Variants in SLC24A2 observed in about 807,000 individuals in gnomAD.
SLC24A2 encodes solute carrier family 24 member 2.
Under a neutral mutation model 62.0 loss-of-function variants are expected in SLC24A2, and 36 were observed. The ratio of observed to expected loss-of-function variants is 0.58; its 90% CI spans 0.44 to 0.77. The LOEUF (loss-of-function observed/expected upper bound fraction) is 0.77. SLC24A2 is among the 30% of genes least tolerant of loss of function. The pLI is 0.00. For synonymous variants in SLC24A2, 358 were observed against 294.0 expected (o/e 1.22, Z -2.23); for missense variants, 846 against 817.9 (o/e 1.03, Z -0.42).
At chr9:19,530,708 TAATC>T (rs902487202) in intron 8 of SLC24A2, among the ~76,000 whole-genome samples, 1 of 152,320 alleles carries the variant, frequency 6.6e-6, no homozygotes, top group African/African-American at 2.4e-5. Context: ...CCATGATTCT[TAATC>T]AAGAAGCCAA....
At chr9:20,290,496 G>A in the SLC24A2 span, among the ~76,000 whole-genome samples, 26 of 152,326 alleles carry the variant, frequency 1.7e-4, no homozygotes, top group East Asian at 4.8e-3. Context: ...CATGCCTTTG[G>A]CCGCGGGTCT....
At chr9:20,206,514 G>A in the SLC24A2 span, among the ~76,000 whole-genome samples, 1 of 152,190 alleles carries the variant, frequency 6.6e-6, no homozygotes, top group East Asian at 1.9e-4. Flanking sequence ...TTTTGAGATG[G>A]TGTCTCGCTC....
intron 7 of SLC24A2, among the ~76,000 whole-genome samples, chr9:19,572,144 G>A (rs906543650): frequency 4.0e-5 from 6 of 150,584 alleles, no homozygotes; most frequent in African/African-American, 1.5e-4. Flanking sequence ...GTGGTGGTGC[G>A]AGCTACTCAG....
chr9:19,715,108 C>A (rs894295704), intron 2 of SLC24A2, among the ~76,000 whole-genome samples: 2 of 152,162 alleles, frequency 1.3e-5, no homozygotes, highest in African/African-American at 4.8e-5. Flanking sequence ...GAAATTAACA[C>A]TTCTAAACAC....
At chr9:19,742,577 T>C (rs1821712258) in intron 2 of SLC24A2, among the ~76,000 whole-genome samples, 1 of 152,160 alleles carries the variant, frequency 6.6e-6, no homozygotes. Context: ...TTTTTTTAAG[T>C]ATAGGAAGGT....
the SLC24A2 span, among the ~76,000 whole-genome samples, chr9:20,077,083 C>CT: frequency 2.6e-5 from 4 of 151,572 alleles, no homozygotes; most frequent in South Asian, 4.2e-4. Context: ...TATGTGAAAT[C>CT]TTTTTAAAAA....
the SLC24A2 span, among the ~76,000 whole-genome samples, chr9:20,053,062 T>C: frequency 6.6e-6 from 1 of 152,206 alleles, no homozygotes; most frequent in East Asian, 1.9e-4. Context: ...CTGACTGAGA[T>C]ATGACAAATC....
chr9:19,947,547 T>A, the SLC24A2 span, among the ~76,000 whole-genome samples: 1 of 151,484 alleles, frequency 6.6e-6, no homozygotes, highest in Non-Finnish European at 1.5e-5. Flanking sequence ...CCCCAGCACT[T>A]TGGGAGGCCG....
At chr9:19,988,007 A>G in the SLC24A2 span, among the ~76,000 whole-genome samples, 1 of 152,256 alleles carries the variant, frequency 6.6e-6, no homozygotes, top group African/African-American at 2.4e-5. Context: ...TGCTAAAGGC[A>G]TTCAAGAATT....
the SLC24A2 span, among the ~76,000 whole-genome samples, chr9:19,838,232 T>C: frequency 6.6e-6 from 1 of 151,974 alleles, no homozygotes; most frequent in African/African-American, 2.4e-5. Context: ...TATAGACCAA[T>C]GGAACAGAAC....
chr9:19,531,073 A>G (rs1211075494), intron 8 of SLC24A2, among the ~76,000 whole-genome samples: 2 of 152,200 alleles, frequency 1.3e-5, no homozygotes, highest in African/African-American at 4.8e-5. Flanking sequence ...TCAGGGAAGT[A>G]GAAACTAGCA....
At chr9:20,288,590 G>A in the SLC24A2 span, among the ~76,000 whole-genome samples, 19 of 151,980 alleles carry the variant, frequency 1.3e-4, no homozygotes, top group South Asian at 4.1e-4. Flanking sequence ...CCAATATGGC[G>A]AAAACCTATC....
intron 7 of SLC24A2, among the ~76,000 whole-genome samples, chr9:19,561,297 A>T (rs1165185229): frequency 1.3e-5 from 2 of 151,720 alleles, no homozygotes; most frequent in Non-Finnish European, 2.9e-5. Flanking sequence ...CCTATCACTT[A>T]CCTCTTATCC....
At chr9:19,687,982 A>C (rs1819933874) in intron 2 of SLC24A2, among the ~76,000 whole-genome samples, 1 of 151,978 alleles carries the variant, frequency 6.6e-6, no homozygotes, top group Admixed American at 6.6e-5. Context: ...CCAGTAATTT[A>C]TCTCTCTTCT....
chr9:19,655,892 A>C (rs1194270606), intron 2 of SLC24A2, among the ~76,000 whole-genome samples: 1 of 152,074 alleles, frequency 6.6e-6, no homozygotes, highest in East Asian at 1.9e-4. Flanking sequence ...GGTATGGGAG[A>C]AGGGCACCGT....
chr9:19,533,886 T>G (rs773502431), intron 8 of SLC24A2, among the ~76,000 whole-genome samples: 8 of 152,382 alleles, frequency 5.2e-5, no homozygotes, highest in Non-Finnish European at 1.0e-4. Context: ...TGGCATGGTT[T>G]CTTTCATTTG....
the SLC24A2 span, among the ~76,000 whole-genome samples, chr9:20,067,390 T>A: frequency 1.3e-5 from 2 of 152,302 alleles, no homozygotes; most frequent in East Asian, 1.9e-4. Flanking sequence ...TATCCTCCTG[T>A]GTTATTTTAA....
At chr9:19,597,558 C>A (rs1836735036) in intron 4 of SLC24A2, among the ~76,000 whole-genome samples, 2 of 152,148 alleles carry the variant, frequency 1.3e-5, no homozygotes, top group Non-Finnish European at 2.9e-5. Context: ...GAGTATTTGG[C>A]AAAGATAACT....
intron 2 of SLC24A2, among the ~76,000 whole-genome samples, chr9:19,724,205 C>T (rs1821107576): frequency 6.6e-6 from 1 of 152,038 alleles, no homozygotes; most frequent in African/African-American, 2.4e-5. Context: ...TTGGATAATT[C>T]AGAACTACAA....
Sources: gnomAD v4.1 joint callset for allele counts (sites outside exome capture counted in the v4.1 genomes callset) on GRCh38, gnomAD v4.1.1 for gene constraint, MANE v1.5 for transcripts, NCBI Gene and HGNC (gene_info 2026-07-23, HGNC 2026-07-21) for gene names.